PIEZO2: variants seen among roughly 807,000 people sequenced by gnomAD.
PIEZO2 encodes piezo type mechanosensitive ion channel component 2.
In PIEZO2, 172 loss-of-function variants were observed where a neutral mutation model predicts 337.3. The ratio of observed to expected loss-of-function variants is 0.51; its 90% CI spans 0.45 to 0.58. The LOEUF is 0.58. PIEZO2 is among the 20% of genes least tolerant of loss of function. The probability of loss-of-function intolerance (pLI) is 0.00; values close to 1 mark genes in which losing one functional copy is unlikely to be tolerated. For synonymous variants in PIEZO2, 1,251 were observed against 1,228.5 expected (o/e 1.02, Z -0.38); for missense variants, 3,028 against 3,391.3 (o/e 0.89, Z 2.66).
rs58143108 is a variant in PIEZO2 at position 10,737,295 on chromosome 18, A to AC, written c.4709-586_4709-585insG. ...CATGGCAAGACATTTGAAAAAAAAAAAACAAAAAAACACGCACACACTGCC... is the reference window on the plus strand; with the variant it reads ...CATGGCAAGACATTTGAAAAAAAAAACAACAAAAAAACACGCACACACTGCC... On this transcript the variant is annotated intron_variant, in intron 33 of 55. Transcript: ENST00000674853. 1.2e-4 allele frequency among the ~76,000 whole-genome samples: 17 copies of AC among 147,336 alleles called. No individual in the cohort carries two copies. The South Asian group carries it at 1.5e-3, about 13-fold the overall frequency.
chr18:10,678,064 C>T (rs1384942416), intron 52 of PIEZO2, among the ~76,000 whole-genome samples, 189 bp from the exon 53 acceptor site: 1 of 152,134 alleles, frequency 6.6e-6, no homozygotes, highest in Non-Finnish European at 1.5e-5. Flanking sequence ...GTTAATAGAA[C>T]CCAAGGAGGC....
intron 3 of PIEZO2, among the ~76,000 whole-genome samples, chr18:10,955,107 G>A (rs973365859): frequency 2.6e-5 from 4 of 152,114 alleles, no homozygotes; most frequent in East Asian, 3.9e-4. Flanking sequence ...TGTGGGGGTC[G>A]CTTTACTTGA....
rs546902653 is a variant in PIEZO2 at position 10,896,760 on chromosome 18, G to T, written c.329+14426C>A. Reference sequence around the variant, plus strand: ...CATGGCTCACAAATTCAGGATGTTAGTTCACTGATCCTTGCTGTGTGAGGT... The same window carrying T: ...CATGGCTCACAAATTCAGGATGTTATTTCACTGATCCTTGCTGTGTGAGGT... On this transcript the variant is annotated intron_variant, in intron 4 of 55. Coordinates refer to ENST00000674853, the MANE Select transcript of PIEZO2 (RefSeq NM_001378183.1). Among the ~76,000 whole-genome samples, 4 of 152,316 alleles carry T rather than the reference G, an allele frequency of 2.6e-5. No individual in the cohort carries two copies. The East Asian group carries it at 7.7e-4, about 29-fold the overall frequency.
intron 40 of PIEZO2, among the ~76,000 whole-genome samples, chr18:10,706,265 G>A (rs904913315): frequency 3.3e-5 from 5 of 152,142 alleles, no homozygotes; most frequent in African/African-American, 1.2e-4. Context: ...TGGCTATACT[G>A]AACAACTGTG....
intron 5 of PIEZO2, among the ~76,000 whole-genome samples, chr18:10,869,107 A>G (rs1227149357): frequency 2.6e-5 from 4 of 152,226 alleles, no homozygotes; most frequent in Non-Finnish European, 5.9e-5. Flanking sequence ...CAATTTATCT[A>G]AGCAAGCAAA....
intron 3 of PIEZO2, among the ~76,000 whole-genome samples, chr18:10,951,914 A>G (rs2033313632): frequency 6.6e-6 from 1 of 152,244 alleles, no homozygotes; most frequent in Non-Finnish European, 1.5e-5. Flanking sequence ...GAGATATGAA[A>G]CAGGAAAATG....
chr18:10,971,908 A>G (rs1018169552), intron 3 of PIEZO2, among the ~76,000 whole-genome samples: 13 of 152,204 alleles, frequency 8.5e-5, no homozygotes, highest in Non-Finnish European at 1.9e-4. Context: ...GAGCAGCCTA[A>G]GGCGAGGCAC....
intron 15 of PIEZO2, 67 bp downstream of exon 15, chr18:10,789,012 T>C: frequency 6.9e-7 from 1 of 1,442,452 alleles, no homozygotes; most frequent in Non-Finnish European, 9.1e-7. Flanking sequence ...TTAAAATCTC[T>C]GCAGAGGTAG....
intron 4 of PIEZO2, among the ~76,000 whole-genome samples, chr18:10,884,218 C>T (rs532956007): frequency 1.3e-5 from 2 of 152,300 alleles, no homozygotes; most frequent in African/African-American, 4.8e-5. Context: ...ATCCAGTTGT[C>T]GCAAATGAGA....
At chr18:11,086,737 G>A (rs1053410132) in intron 1 of PIEZO2, among the ~76,000 whole-genome samples, 2 of 145,124 alleles carry the variant, frequency 1.4e-5, no homozygotes, top group South Asian at 2.2e-4. Flanking sequence ...CAATAAAAAA[G>A]AGACACATAA....
At chr18:11,040,046 C>T (rs2037063187) in intron 2 of PIEZO2, among the ~76,000 whole-genome samples, 1 of 151,810 alleles carries the variant, frequency 6.6e-6, no homozygotes, top group Non-Finnish European at 1.5e-5. Flanking sequence ...TGACATGAAC[C>T]TGCTTTAACT....
Position 10,766,753 on chromosome 18 carries a change from T to G in PIEZO2, c.2946+3395A>C, listed in dbSNP as rs1236302895. 6.6e-6 allele frequency among the ~76,000 whole-genome samples: 1 copy of G among 152,220 alleles called. No homozygotes were observed. The highest frequency in any genetic ancestry group is 1.9e-4 in the East Asian group (1 of 5,204). Reference sequence around the variant, plus strand: ...TCTAGCACAGCAGTTATTATCACTTTTAGTTTTATTTGGCAGCCATTCCCA... The same window carrying G: ...TCTAGCACAGCAGTTATTATCACTTGTAGTTTTATTTGGCAGCCATTCCCA... On this transcript the variant is annotated intron_variant, in intron 21 of 55. Coordinates refer to ENST00000674853, the MANE Select transcript of PIEZO2 (RefSeq NM_001378183.1). The surrounding 1 kb of genome is among the most constrained non-coding windows in gnomAD (Gnocchi z 6.1).
chr18:11,004,962 AT>A (rs1468227592), intron 2 of PIEZO2, among the ~76,000 whole-genome samples: 3 of 152,248 alleles, frequency 2.0e-5, no homozygotes, highest in Non-Finnish European at 4.4e-5. Context: ...AAGATGTGCC[AT>A]TAAATATTGA....
intron 3 of PIEZO2, among the ~76,000 whole-genome samples, chr18:10,955,576 GTT>G (rs1014709715): frequency 1.1e-4 from 17 of 152,164 alleles, no homozygotes; most frequent in African/African-American, 4.1e-4. Context: ...AAAGCTCCAT[GTT>G]ATGAGGAAGA....
chr18:10,690,278 T>C (rs2034752711), intron 48 of PIEZO2, among the ~76,000 whole-genome samples: 1 of 152,190 alleles, frequency 6.6e-6, no homozygotes, highest in Non-Finnish European at 1.5e-5. Context: ...CAGGACTTGC[T>C]GGAGTACCAC....
At chr18:11,059,457 T>C (rs1336143193) in intron 2 of PIEZO2, among the ~76,000 whole-genome samples, 2 of 152,064 alleles carry the variant, frequency 1.3e-5, no homozygotes, top group Admixed American at 6.6e-5. Context: ...AAGACACAGA[T>C]TGGCAAATTG....
In PIEZO2 at chr18:10,871,336, A is replaced by G; in HGVS notation, c.409T>C (p.Trp137Arg). The G allele has an allele frequency of 6.5e-7, 1 of 1,537,342 alleles. No homozygotes were observed. The highest frequency in any genetic ancestry group is 8.7e-7 in the Non-Finnish European group (1 of 1,146,868). Residue 137 changes from tryptophan (W) to arginine (R), a missense_variant, in exon 5 of 56, where the codon TGG (tryptophan) becomes CGG (arginine). Transcript: ENST00000674853. ...IGMFIASLTIWLLCRNIVQKP... is the reference protein window; with the variant it reads ...IGMFIASLTIRLLCRNIVQKP... ...TGAACAATGTTTCTACAGAGGAGCC[A>G]GATGGTCAGACTAGCAATGAACATC...
At position 10,763,109 on chromosome 18, in the gene PIEZO2, A is replaced by C; in HGVS notation, c.2947-11T>G. 1.3e-6 allele frequency: 2 copies of C among 1,535,586 alleles called. No individual in the cohort carries two copies. Among genetic ancestry groups the C allele is most frequent in the Non-Finnish European group, 1.7e-6 (2 of 1,146,136 alleles). On this transcript the variant is annotated splice_polypyrimidine_tract_variant and intron_variant, in intron 21 of 55. Transcript: ENST00000674853. The stretch of plus-strand genomic sequence containing the variant: ...GTTGAACAGAGACACCTGAAAACGT[A>C]AAACCAGAAATGGGGACAAAAATAC...
In PIEZO2 at chr18:10,815,699, TCAC is replaced by T. The variant is rs774613723; in HGVS notation, c.918-8428_918-8426del. Among the ~76,000 whole-genome samples the T allele has an allele frequency of 5.3e-4, 80 of 152,290 alleles. No homozygotes were observed. Among genetic ancestry groups the T allele is most frequent in the Non-Finnish European group, 9.6e-4 (65 of 68,022 alleles). ...ACCTAGATAATATTTGGGAGTGCTC[TCAC>T]TCAGGAACAAGAGAAGAAGGAGAAC... On this transcript the variant is annotated intron_variant, in intron 7 of 55. Coordinates refer to ENST00000674853, the MANE Select transcript of PIEZO2 (RefSeq NM_001378183.1). The surrounding 1 kb of genome is among the most constrained non-coding windows in gnomAD (Gnocchi z 4.1).
Sources: gnomAD v4.1 joint callset for allele counts (sites outside exome capture counted in the v4.1 genomes callset) on GRCh38, gnomAD v4.1.1 for gene constraint, Gnocchi (gnomAD v3.1) non-coding constraint, MANE v1.5 for transcripts, NCBI Gene and HGNC (gene_info 2026-07-23, HGNC 2026-07-21) for gene names.